PRKAA2: variants seen among roughly 807,000 people sequenced by gnomAD.
PRKAA2 encodes the protein protein kinase AMP-activated catalytic subunit alpha 2.
Under a neutral mutation model 56.3 loss-of-function variants are expected in PRKAA2, and 40 were observed. The observed-to-expected ratio is 0.71, with a 90% CI of 0.55 to 0.92. The LOEUF is 0.92. PRKAA2 is among the 40% of genes least tolerant of loss of function. The pLI is 0.00. For synonymous variants in PRKAA2, 214 were observed against 234.2 expected, an observed-to-expected ratio of 0.91 and a Z score of 0.79; for missense variants, 542 against 686.9, an observed-to-expected ratio of 0.79 and a Z score of 2.36.
At position 56,648,755 on chromosome 1, in the gene PRKAA2, G is replaced by A. The variant is rs60241308; in HGVS notation, c.94+3274G>A. Among the ~76,000 whole-genome samples, 1,447 of 152,240 alleles carry A rather than the reference G, an allele frequency of 9.5e-3. 30 individuals are homozygous for A. The highest frequency in any genetic ancestry group is 0.034 in the African/African-American group (1,411 of 41,536). On this transcript the variant is annotated intron_variant, in intron 1 of 8. Coordinates refer to ENST00000371244, the MANE Select transcript of PRKAA2 (RefSeq NM_006252.4). ...TGATTTATTATAGCCATTCTAGTGGGTGCGAAATAGTATCTCATTGAGGCA... is the reference window on the plus strand; with the variant it reads ...TGATTTATTATAGCCATTCTAGTGGATGCGAAATAGTATCTCATTGAGGCA...
intron 1 of PRKAA2, among the ~76,000 whole-genome samples, chr1:56,652,161 C>T (rs546719703): frequency 1.4e-3 from 209 of 151,250 alleles, no homozygotes; most frequent in Non-Finnish European, 2.2e-3. Context: ...TACAGGCGTG[C>T]ACCACCACGC....
intron 1 of PRKAA2, among the ~76,000 whole-genome samples, chr1:56,661,564 A>C (rs1003070224): frequency 2.6e-5 from 4 of 152,090 alleles, no homozygotes; most frequent in African/African-American, 9.7e-5. Context: ...TTATTTGTCC[A>C]TTCTATTACT....
chr1:56,679,903 T>C (rs1289406400), intron 2 of PRKAA2, among the ~76,000 whole-genome samples: 1 of 152,186 alleles, frequency 6.6e-6, no homozygotes, highest in Non-Finnish European at 1.5e-5. Flanking sequence ...TGGTGATCCA[T>C]TTCCACTTAA....
At chr1:56,647,258 A>T (rs7527842) in intron 1 of PRKAA2, among the ~76,000 whole-genome samples, 9,226 of 152,310 alleles carry the variant, frequency 0.061, 484 homozygotes, top group African/African-American at 0.14. Flanking sequence ...ATTATTATTA[A>T]GGACTATTGT....
intron 1 of PRKAA2, among the ~76,000 whole-genome samples, chr1:56,663,911 G>A (rs765586719): frequency 1.3e-5 from 2 of 152,016 alleles, no homozygotes; most frequent in Non-Finnish European, 2.9e-5. Context: ...ACCAGCTTTG[G>A]CAACATAGCA....
At chr1:56,687,536 T>G (rs920075781) in intron 2 of PRKAA2, among the ~76,000 whole-genome samples, 17 of 152,132 alleles carry the variant, frequency 1.1e-4, no homozygotes, top group African/African-American at 3.9e-4. Flanking sequence ...GATCCCTATA[T>G]TAATTAGTTG....
chr1:56,658,238 A>G (rs1223466079), intron 1 of PRKAA2, among the ~76,000 whole-genome samples: 2 of 152,230 alleles, frequency 1.3e-5, no homozygotes, highest in African/African-American at 4.8e-5. Context: ...CTTTAAAAAG[A>G]AATTTTATGG....
In PRKAA2 at chr1:56,710,219, A is replaced by G. The variant is rs1644360674; in HGVS notation, c.*2506A>G. 1 of 152,116 alleles carries G rather than the reference A, an allele frequency of 6.6e-6. No individual in the cohort carries two copies. The highest frequency in any genetic ancestry group is 2.1e-4 in the South Asian group (1 of 4,824). 9.4% of individuals were successfully genotyped at this position (152,116 alleles called of 1,614,324 possible). A position where few individuals can be genotyped will look rare whatever the true frequency, so the allele number is the denominator to read the frequency against. ...AGCTTCTATTATGAGGTTATAGATAAGGCCTTAGTTATATCATGGAAATGG... is the reference window on the plus strand; with the variant it reads ...AGCTTCTATTATGAGGTTATAGATAGGGCCTTAGTTATATCATGGAAATGG... On this transcript the variant is annotated 3_prime_UTR_variant, in exon 9 of 9. Transcript: ENST00000371244.
At chr1:56,692,847 G>T (rs1277625775) in intron 4 of PRKAA2, among the ~76,000 whole-genome samples, 1 of 147,436 alleles carries the variant, frequency 6.8e-6, no homozygotes, top group Non-Finnish European at 1.5e-5. Context: ...AAAATCTCAT[G>T]AAAGTATGGG....
At chr1:56,692,285 G>T (rs1425355397) in intron 3 of PRKAA2, 73 bp from the exon 4 acceptor site, 2 of 1,569,254 alleles carry the variant, frequency 1.3e-6, no homozygotes, top group Non-Finnish European at 1.7e-6. Context: ...ACCTGCCTTG[G>T]CTGGGATTAC....
At chr1:56,683,497 G>C (rs1423627858) in intron 2 of PRKAA2, among the ~76,000 whole-genome samples, 1 of 152,140 alleles carries the variant, frequency 6.6e-6, no homozygotes, top group African/African-American at 2.4e-5. Context: ...CAGAAAGGCA[G>C]GTTGTTGGTT....
At chr1:56,704,761 A>G (rs899595051) in intron 7 of PRKAA2, among the ~76,000 whole-genome samples, 3 of 152,124 alleles carry the variant, frequency 2.0e-5, no homozygotes, top group African/African-American at 7.2e-5. Flanking sequence ...ATGAAAAATC[A>G]TGAGTGTCTT....
chr1:56,656,729 T>G (rs1213422976), intron 1 of PRKAA2, among the ~76,000 whole-genome samples: 1 of 152,206 alleles, frequency 6.6e-6, no homozygotes, highest in East Asian at 1.9e-4. Context: ...CCCTGTGTGA[T>G]GAGGAGGCAT....
chr1:56,692,821 G>A (rs964590383), intron 4 of PRKAA2, among the ~76,000 whole-genome samples: 12 of 149,418 alleles, frequency 8.0e-5, no homozygotes, highest in Non-Finnish European at 1.6e-4. Flanking sequence ...GAGGGGAGGA[G>A]TCCCAGACTT....
chr1:56,662,751 G>A (rs944647572), intron 1 of PRKAA2, among the ~76,000 whole-genome samples: 2 of 152,070 alleles, frequency 1.3e-5, no homozygotes, highest in African/African-American at 4.8e-5. Flanking sequence ...TTGTTTTAAA[G>A]GTGTGTGTGT....
At chr1:56,698,481 T>G (rs2100430930) in intron 6 of PRKAA2, among the ~76,000 whole-genome samples, 1 of 152,318 alleles carries the variant, frequency 6.6e-6, no homozygotes, top group East Asian at 1.9e-4. Context: ...CATAGCAAAA[T>G]GCACAAGGTC....
At chr1:56,670,825 A>G (rs1216153974) in intron 1 of PRKAA2, among the ~76,000 whole-genome samples, 22 of 152,176 alleles carry the variant, frequency 1.4e-4, no homozygotes, top group Admixed American at 1.4e-3. Context: ...TGGTGTTTTT[A>G]TAATTTTATT....
chr1:56,702,170 G>A (rs1207056969), intron 6 of PRKAA2, among the ~76,000 whole-genome samples: 5 of 150,258 alleles, frequency 3.3e-5, no homozygotes, highest in African/African-American at 4.9e-5. Context: ...CGCAACCTCC[G>A]CCTCCCAGGT....
At chr1:56,657,823 A>G (rs987480624) in intron 1 of PRKAA2, among the ~76,000 whole-genome samples, 2 of 152,216 alleles carry the variant, frequency 1.3e-5, no homozygotes, top group African/African-American at 4.8e-5. Context: ...CAGAAGACAT[A>G]TAACAAAGGG....
Sources: allele counts gnomAD v4.1 joint callset (sites outside exome capture counted in the v4.1 genomes callset), GRCh38; gene constraint gnomAD v4.1.1; transcripts MANE v1.5; gene names NCBI Gene and HGNC (gene_info 2026-07-23, HGNC 2026-07-21).